Variants in RBFOX1 observed in about 807,000 individuals in gnomAD.
RBFOX1 encodes RNA binding protein fox-1 homolog 1.
In RBFOX1, 8 loss-of-function variants were observed where a neutral mutation model predicts 57.7. The ratio of observed to expected loss-of-function variants is 0.14; its 90% CI spans 0.08 to 0.25. RBFOX1 has a LOEUF of 0.25. Among genes scored for constraint, RBFOX1 ranks in the 10% least tolerant of loss-of-function variants. The probability of loss-of-function intolerance (pLI) is 1.00; values close to 1 mark genes in which losing one functional copy is unlikely to be tolerated. For synonymous variants in RBFOX1, 326 were observed against 222.4 expected (o/e 1.47, Z -4.15); for missense variants, 611 against 548.5 (o/e 1.11, Z -1.14).
chr16:7,394,962 A>G (rs2098117509), intron 4 of RBFOX1, among the ~76,000 whole-genome samples: 1 of 152,294 alleles, frequency 6.6e-6, no homozygotes. Flanking sequence ...TATACCCATC[A>G]TGGTACTGTG....
chr16:6,267,774 A>C (rs1231652629), intron 1 of RBFOX1, among the ~76,000 whole-genome samples: 1 of 152,172 alleles, frequency 6.6e-6, no homozygotes, highest in Non-Finnish European at 1.5e-5. Context: ...CAAGTATGAT[A>C]ACCAGGTGTG....
In RBFOX1 at chr16:5,939,555, A is replaced by T. The variant is rs1304566736; in HGVS notation, c.351+72220A>T. Among the ~76,000 whole-genome samples, 26 of 152,224 alleles carry T rather than the reference A, an allele frequency of 1.7e-4. 1 individual carries two copies. Among genetic ancestry groups the T allele is most frequent in the Admixed American group, 1.6e-3 (25 of 15,284 alleles). On this transcript the variant is annotated intron_variant, in intron 4 of 19. Transcript: ENST00000641259. ...TGCTGGCCGCCCTTCAGAGCCATGG[A>T]TCCAAGAGAGAAGGTAAAGAAGAAA...
chr16:7,049,839 C>A (rs143268749), intron 3 of RBFOX1, among the ~76,000 whole-genome samples: 1 of 152,190 alleles, frequency 6.6e-6, no homozygotes, highest in African/African-American at 2.4e-5. Flanking sequence ...CCACCCACTT[C>A]ATTTATTTTG....
intron 4 of RBFOX1, among the ~76,000 whole-genome samples, chr16:7,489,972 T>C (rs979722057): frequency 1.3e-5 from 2 of 152,214 alleles, no homozygotes; most frequent in Non-Finnish European, 2.9e-5. Flanking sequence ...GGGATCTTAC[T>C]TCAGATGTGT....
intron 3 of RBFOX1, among the ~76,000 whole-genome samples, chr16:6,910,555 C>T (rs976968032): frequency 2.6e-5 from 4 of 152,114 alleles, no homozygotes; most frequent in Non-Finnish European, 4.4e-5. Context: ...TCCAAAACGG[C>T]CCCTATTGGG....
intron 4 of RBFOX1, among the ~76,000 whole-genome samples, chr16:7,234,946 T>TAAAA (rs2093695419): frequency 6.6e-6 from 1 of 152,126 alleles, no homozygotes; most frequent in Non-Finnish European, 1.5e-5. Flanking sequence ...CTTGCTTTTA[T>TAAAA]GCCTGTAGCT....
At chr16:7,390,506 C>T (rs751499405) in intron 4 of RBFOX1, among the ~76,000 whole-genome samples, 6 of 152,158 alleles carry the variant, frequency 3.9e-5, no homozygotes, top group East Asian at 1.9e-4. Flanking sequence ...CAAAAGAATA[C>T]CTTCTTCACA....
At chr16:6,260,940 G>A (rs1463104203) in intron 1 of RBFOX1, among the ~76,000 whole-genome samples, 1 of 152,122 alleles carries the variant, frequency 6.6e-6, no homozygotes, top group East Asian at 1.9e-4. Flanking sequence ...ATGAGATAAT[G>A]TTGCTGAGAA....
intron 3 of RBFOX1, among the ~76,000 whole-genome samples, chr16:5,770,985 C>G (rs1045715247): frequency 6.6e-6 from 1 of 152,156 alleles, no homozygotes; most frequent in Admixed American, 6.5e-5. Context: ...ACCCTTTTTG[C>G]TGGAGGTGTG....
intron 3 of RBFOX1, among the ~76,000 whole-genome samples, chr16:6,912,009 T>C (rs1161835028): frequency 1.3e-5 from 2 of 152,312 alleles, no homozygotes; most frequent in South Asian, 2.1e-4. Flanking sequence ...TAGAGTAAGA[T>C]GCATTCTTCA....
At chr16:5,487,251 C>A (rs998923722) in intron 2 of RBFOX1, among the ~76,000 whole-genome samples, 4 of 152,150 alleles carry the variant, frequency 2.6e-5, no homozygotes, top group African/African-American at 9.7e-5. Context: ...TGAAGCATTA[C>A]GGAGGCCAGG....
At chr16:5,600,843 C>G (rs1206911069), downstream of RBFOX1, among the ~76,000 whole-genome samples, 1 of 152,228 alleles carries the variant, frequency 6.6e-6, no homozygotes, top group Admixed American at 6.5e-5. Context: ...TTTCAGTTGA[C>G]CAAATGTTTG....
chr16:6,047,461 C>G (rs1596669053), intron 1 of RBFOX1, among the ~76,000 whole-genome samples: 1 of 152,144 alleles, frequency 6.6e-6, no homozygotes, highest in African/African-American at 2.4e-5. Context: ...GGAAAGAGGC[C>G]AGATGCTATG....
rs550100295 is a variant in RBFOX1, at chr16:6,433,145, G to A, written c.-64+116088G>A. Among the ~76,000 whole-genome samples, 13 of 152,348 alleles carry A rather than the reference G, an allele frequency of 8.5e-5. No individual in the cohort carries two copies. In the East Asian group the frequency reaches 2.3e-3, roughly 27 times the overall value. On this transcript the variant is annotated intron_variant, in intron 2 of 15. Transcript: ENST00000550418. ...TGCAGCAGTTCAGGTGGGAGTTGAT[G>A]CTGCCTTGGCCCCACATGGGGCTAT...
chr16:6,921,605 A>C (rs1468358835), intron 3 of RBFOX1, among the ~76,000 whole-genome samples: 1 of 149,512 alleles, frequency 6.7e-6, no homozygotes, highest in African/African-American at 2.5e-5. Context: ...AGAATAATTT[A>C]TGTATATACA....
chr16:5,392,253 A>G (rs2066432119), intron 1 of RBFOX1, among the ~76,000 whole-genome samples: 1 of 152,132 alleles, frequency 6.6e-6, no homozygotes, highest in Non-Finnish European at 1.5e-5. Flanking sequence ...ATGTAACCAA[A>G]TACCACCTGT....
At chr16:6,848,579 G>T (rs1353952224) in intron 3 of RBFOX1, among the ~76,000 whole-genome samples, 1 of 151,842 alleles carries the variant, frequency 6.6e-6, no homozygotes, top group Non-Finnish European at 1.5e-5. Flanking sequence ...AAAGGTGATA[G>T]AACCAAAGAA....
intron 1 of RBFOX1, among the ~76,000 whole-genome samples, chr16:6,035,939 G>C (rs995374105): frequency 6.6e-6 from 1 of 152,266 alleles, no homozygotes; most frequent in Middle Eastern, 3.4e-3. Flanking sequence ...TTGGAATTAC[G>C]ATCTTATTTT....
intron 4 of RBFOX1, among the ~76,000 whole-genome samples, chr16:7,390,920 C>T (rs1186513154): frequency 6.6e-6 from 1 of 151,942 alleles, no homozygotes; most frequent in Non-Finnish European, 1.5e-5. Flanking sequence ...AAAAAAAGAT[C>T]CAGGGAGAAG....
Sources: gnomAD v4.1 joint callset for allele counts (sites outside exome capture counted in the v4.1 genomes callset) on GRCh38, gnomAD v4.1.1 for gene constraint, MANE v1.5 for transcripts, NCBI Gene and HGNC (gene_info 2026-07-23, HGNC 2026-07-21) for gene names.